The following GPRC5A variants were observed in gnomAD, a reference collection of about 807,000 sequenced individuals.
GPRC5A encodes G protein-coupled receptor class C group 5 member A.
A neutral mutation model predicts 22.5 loss-of-function variants in GPRC5A; 19 were observed. That is an observed-to-expected ratio of 0.85 (90% CI 0.59 to 1.24). The LOEUF (loss-of-function observed/expected upper bound fraction) is 1.24. Among genes scored for constraint, GPRC5A ranks in the 50% most tolerant of loss-of-function variants. The probability of loss-of-function intolerance (pLI) is 0.00; values close to 1 mark genes in which losing one functional copy is unlikely to be tolerated. For synonymous variants in GPRC5A, 192 were observed against 184.5 expected, an observed-to-expected ratio of 1.04 and a Z score of -0.33; for missense variants, 471 against 451.1, an observed-to-expected ratio of 1.04 and a Z score of -0.40.
At chr12:12,896,268 C>CT (rs1240451131) in intron 1 of GPRC5A, among the ~76,000 whole-genome samples, 1 of 152,050 alleles carries the variant, frequency 6.6e-6, no homozygotes, top group Non-Finnish European at 1.5e-5. Context: ...CGTGGTTATA[C>CT]TTGTTTTGAT....
At chr12:12,892,988 G>T (rs1015650406) in intron 1 of GPRC5A, among the ~76,000 whole-genome samples, 8 of 152,310 alleles carry the variant, frequency 5.3e-5, no homozygotes, top group African/African-American at 1.9e-4. Flanking sequence ...GGAAGGAAGG[G>T]CCGGGAGAGG....
chr12:12,895,412 GTAA>G (rs1394651356), intron 1 of GPRC5A, among the ~76,000 whole-genome samples: 15 of 141,154 alleles, frequency 1.1e-4, no homozygotes, highest in Admixed American at 7.2e-4. Flanking sequence ...TACATTTCTT[GTAA>G]TAATAGTTAC....
intron 1 of GPRC5A, among the ~76,000 whole-genome samples, chr12:12,902,581 T>C (rs1278133384): frequency 2.7e-5 from 4 of 150,520 alleles, no homozygotes; most frequent in Admixed American, 6.6e-5. Flanking sequence ...CTGGGGAACA[T>C]AGCAAGACTC....
rs201738835 is a variant in GPRC5A, at chr12:12,900,907, A to C, written c.-7-7336A>C. 2.5e-3 allele frequency among the ~76,000 whole-genome samples: 294 copies of C among 119,516 alleles called. 4 individuals carry two copies. The highest frequency in any genetic ancestry group is 0.01 in the African/African-American group (252 of 24,874). The allele number at this position is 119,516 out of a possible 152,430, so 78.4% of individuals were successfully genotyped here. On this transcript the variant is annotated intron_variant, in intron 1 of 3. Transcript: ENST00000014914. ...ACTCCGTCTCAAAAAAAAAAAAAAA[A>C]AAAAAACAAAAAAAAAACAACCCAG...
Position 12,909,078 on chromosome 12 carries a change from T to A in GPRC5A, c.829T>A (p.Tyr277Asn). 1 of 1,606,356 alleles carries A rather than the reference T, an allele frequency of 6.2e-7. No individual in the cohort carries two copies. The highest frequency in any genetic ancestry group is 1.1e-5 in the South Asian group (1 of 91,088). The change falls in exon 2 of 4, where the codon TAT becomes AAT. Residue 277 changes from tyrosine to asparagine, a missense_variant. Tyr to Asn is a moderately radical substitution (Grantham distance 143, BLOSUM62 -2). Coordinates refer to ENST00000014914, the MANE Select transcript of GPRC5A (RefSeq NM_003979.4). ...LLTKQRNPMD[Y>N]PVEDAFCKPQ... Reference sequence around the variant, plus strand: ...CACAAAGCAACGAAACCCCATGGATTATCCTGTTGAGGATGCTTTCTGTAA... The same window carrying A: ...CACAAAGCAACGAAACCCCATGGATAATCCTGTTGAGGATGCTTTCTGTAA...
chr12:12,895,085 G>A (rs1184734523), intron 1 of GPRC5A, among the ~76,000 whole-genome samples: 1 of 152,062 alleles, frequency 6.6e-6, no homozygotes, highest in Non-Finnish European at 1.5e-5. Context: ...GCCCAGGATG[G>A]TTTTATCTTC....
At position 12,916,182 on chromosome 12, in the gene GPRC5A, A is replaced by T; in HGVS notation, c.*3643A>T. 6.2e-6 allele frequency: 1 copy of T among 161,260 alleles called. No homozygotes were observed. Among genetic ancestry groups the T allele is most frequent in the Non-Finnish European group, 1.4e-5 (1 of 72,668 alleles). The allele number at this position is 161,260 out of a possible 1,614,324, so 10.0% of individuals were successfully genotyped here. A position where few individuals can be genotyped will look rare whatever the true frequency, so the allele number is the denominator to read the frequency against. ...AGTGTCTCCATCTCTACCTGGGCTG[A>T]AATGGAATGTGCAAATGTAGCCCAG... On this transcript the variant is annotated 3_prime_UTR_variant, in exon 4 of 4. Coordinates refer to ENST00000014914, the MANE Select transcript of GPRC5A (RefSeq NM_003979.4).
rs1864031887 is a variant in GPRC5A at position 12,913,801 on chromosome 12, G to C, written c.*1262G>C. The C allele has an allele frequency of 2.0e-5, 3 of 152,164 alleles. No homozygotes were observed. Among genetic ancestry groups the C allele is most frequent in the Admixed American group, 2.0e-4 (3 of 15,264 alleles). The allele number at this position is 152,164 out of a possible 1,614,324, so 9.4% of individuals were successfully genotyped here. A position where few individuals can be genotyped will look rare whatever the true frequency, so the allele number is the denominator to read the frequency against. ...GTCTCTCCCGTTCCCTCTAAAACAA[G>C]TGTGTTTCCCCTCATTTTTGAGGCT... On this transcript the variant is annotated 3_prime_UTR_variant, in exon 4 of 4. Transcript: ENST00000014914.
intron 2 of GPRC5A, among the ~76,000 whole-genome samples, chr12:12,910,776 T>G (rs1863995223): frequency 6.6e-6 from 1 of 152,148 alleles, no homozygotes; most frequent in African/African-American, 2.4e-5. Context: ...CTCATTGCAC[T>G]GTTATTTATG....
Position 12,896,922 on chromosome 12 carries a change from T to G in GPRC5A, c.-8+5258T>G, listed in dbSNP as rs552733018. ...TAAAAACCATGAAGAGATCGACACA[T>G]TTAGAGTGCAATAGGATTTCAAGTC... On this transcript the variant is annotated intron_variant, in intron 1 of 3. Transcript: ENST00000014914. Among the ~76,000 whole-genome samples the G allele has an allele frequency of 7.2e-5, 11 of 152,180 alleles. No homozygotes were observed. In the South Asian group the frequency reaches 2.3e-3, roughly 32 times the overall value.
At chr12:12,897,452 T>C (rs1218878648) in intron 1 of GPRC5A, among the ~76,000 whole-genome samples, 1 of 151,774 alleles carries the variant, frequency 6.6e-6, no homozygotes, top group Non-Finnish European at 1.5e-5. Flanking sequence ...AGATGGAAAA[T>C]ACAGAACTCT....
At chr12:12,892,580 T>C (rs1214764219) in intron 1 of GPRC5A, among the ~76,000 whole-genome samples, 1 of 152,110 alleles carries the variant, frequency 6.6e-6, no homozygotes, top group African/African-American at 2.4e-5. Context: ...TTGGTCAGGT[T>C]GGTCTCAAAC....
At chr12:12,902,417 G>T (rs942925851) in intron 1 of GPRC5A, among the ~76,000 whole-genome samples, 2 of 151,810 alleles carry the variant, frequency 1.3e-5, no homozygotes, top group Non-Finnish European at 2.9e-5. Flanking sequence ...TGATAATAAA[G>T]GATTCTTGTT....
intron 1 of GPRC5A, among the ~76,000 whole-genome samples, chr12:12,906,569 C>A (rs915998139): frequency 6.6e-6 from 1 of 151,972 alleles, no homozygotes; most frequent in East Asian, 1.9e-4. Flanking sequence ...CCCCATCCCC[C>A]CAAAAAGGAG....
rs886348617 is a variant in GPRC5A, at chr12:12,916,059, C to T, written c.*3520C>T. The stretch of plus-strand genomic sequence containing the variant: ...TCTTTCTTTTCTTTGGAGAGGGTAC[C>T]AAAGGATAGCTGTTCTGTTTAAGTA... On this transcript the variant is annotated 3_prime_UTR_variant, in exon 4 of 4. Coordinates refer to ENST00000014914, the MANE Select transcript of GPRC5A (RefSeq NM_003979.4). 1.5e-5 allele frequency: 4 copies of T among 264,626 alleles called. No individual in the cohort carries two copies. The highest frequency in any genetic ancestry group is 3.3e-5 in the Non-Finnish European group (4 of 121,278). The allele number at this position is 264,626 out of a possible 1,614,324, so 16.4% of individuals were successfully genotyped here.
In GPRC5A at chr12:12,916,525, G is replaced by A. The variant is rs1228157624; in HGVS notation, c.*3986G>A. On this transcript the variant is annotated 3_prime_UTR_variant, in exon 4 of 4. Coordinates refer to ENST00000014914, the MANE Select transcript of GPRC5A (RefSeq NM_003979.4). ...TGAGCTGCAGACACCCAGTAGGCGC[G>A]AGGCAAATGCGTCCCATTTTAAGAG... The A allele has an allele frequency of 2.0e-5, 3 of 152,184 alleles. No homozygotes were observed. 9.4% of individuals were successfully genotyped at this position (152,184 alleles called of 1,614,324 possible).
At chr12:12,899,119 C>T (rs1488279856) in intron 1 of GPRC5A, among the ~76,000 whole-genome samples, 1 of 152,080 alleles carries the variant, frequency 6.6e-6, no homozygotes. Context: ...GCCTCGAGTT[C>T]CTGGGCTCAA....
chr12:12,899,935 C>A (rs187389374), intron 1 of GPRC5A, among the ~76,000 whole-genome samples: 1 of 152,150 alleles, frequency 6.6e-6, no homozygotes, highest in South Asian at 2.1e-4. Context: ...GGAAGGACTG[C>A]GTAGAATAAG....
At chr12:12,900,441 C>T (rs1863869358) in intron 1 of GPRC5A, among the ~76,000 whole-genome samples, 1 of 152,196 alleles carries the variant, frequency 6.6e-6, no homozygotes, top group African/African-American at 2.4e-5. Context: ...CTTACTTGTT[C>T]ACACAGCCTG....
Sources: gnomAD v4.1 joint callset for allele counts (sites outside exome capture counted in the v4.1 genomes callset) on GRCh38, gnomAD v4.1.1 for gene constraint, MANE v1.5 for transcripts, NCBI Gene and HGNC (gene_info 2026-07-23, HGNC 2026-07-21) for gene names.